Variants in MYO6 observed in about 807,000 individuals in gnomAD.
The protein encoded by MYO6 is myosin VI.
In MYO6, 74 loss-of-function variants were observed where a neutral mutation model predicts 178.7. That is an observed-to-expected ratio of 0.41 (90% CI 0.34 to 0.50). The LOEUF is 0.50. MYO6 is among the 20% of genes least tolerant of loss of function. The pLI is 0.09. For missense variants in MYO6, 1,330 were observed against 1,547.4 expected (o/e 0.86, Z 2.36); for synonymous variants, 477 against 504.6 (o/e 0.95, Z 0.73).
chr6:75,780,646 A>G (rs960013600), intron 1 of MYO6, among the ~76,000 whole-genome samples: 3 of 152,092 alleles, frequency 2.0e-5, no homozygotes, highest in African/African-American at 4.8e-5. Context: ...ACATAGAGCT[A>G]TGTTTAGCCA....
At chr6:75,839,704 A>G (rs1774023455) in intron 7 of MYO6, among the ~76,000 whole-genome samples, 1 of 152,142 alleles carries the variant, frequency 6.6e-6, no homozygotes, top group African/African-American at 2.4e-5. Context: ...TAACAGTGAA[A>G]ATATTATATT....
At chr6:75,902,712 T>TGTC (rs1218398138) in intron 30 of MYO6, among the ~76,000 whole-genome samples, 22 of 151,712 alleles carry the variant, frequency 1.5e-4, no homozygotes, top group African/African-American at 5.3e-4. Flanking sequence ...GGGTTTTTTG[T>TGTC]GTCTCTATTT....
intron 2 of MYO6, among the ~76,000 whole-genome samples, chr6:75,820,535 A>G (rs1186870339): frequency 6.6e-6 from 1 of 151,700 alleles, no homozygotes; most frequent in Non-Finnish European, 1.5e-5. Context: ...ATGTCTGGCT[A>G]ATTTGTTGTA....
At chr6:75,905,022 C>T (rs956723731) in intron 30 of MYO6, among the ~76,000 whole-genome samples, 1 of 152,156 alleles carries the variant, frequency 6.6e-6, no homozygotes, top group Non-Finnish European at 1.5e-5. Context: ...GGGGGTGCCT[C>T]CCAGTTAGGC....
At chr6:75,886,505 A>G (rs1460085145) in intron 24 of MYO6, among the ~76,000 whole-genome samples, 1 of 152,270 alleles carries the variant, frequency 6.6e-6, no homozygotes, top group East Asian at 1.9e-4. Context: ...AAATTAGTGT[A>G]TTTCTTATTT....
At chr6:75,907,802 G>GTGTC (rs1780452532) in intron 31 of MYO6, 94 bp downstream of exon 31, 1 of 836,654 alleles carries the variant, frequency 1.2e-6, no homozygotes, top group African/African-American at 1.7e-5. Context: ...GTATGTGTGT[G>GTGTC]TGTGTGTGTG....
At chr6:75,910,225 CAGTG>C (rs961377130) in intron 32 of MYO6, among the ~76,000 whole-genome samples, 21 of 152,142 alleles carry the variant, frequency 1.4e-4, no homozygotes, top group African/African-American at 4.1e-4. Flanking sequence ...CAAAAAATGA[CAGTG>C]AGCTGTTCTT....
At chr6:75,907,481 CA>C in intron 30 of MYO6, 123 bp from the exon 31 acceptor site, 1 of 748,556 alleles carries the variant, frequency 1.3e-6, no homozygotes, top group South Asian at 1.6e-5. Context: ...GTCAAAGAAA[CA>C]AAAATTATGT....
Position 75,914,054 on chromosome 6 carries a change from G to A in MYO6, c.3440-9G>A, listed in dbSNP as rs890600082. ...CTGCTGGTATAACTTTCCTTGTTCT[G>A]TGTAATAGCTCAGCAAAACCCAGCA... On this transcript the variant is annotated splice_polypyrimidine_tract_variant and intron_variant, in intron 33 of 34. Transcript: ENST00000369977. The A allele has an allele frequency of 6.2e-7, 1 of 1,613,350 alleles. No homozygotes were observed. The highest frequency in any genetic ancestry group is 1.7e-5 in the Admixed American group (1 of 59,988).
rs551348450 is a variant in MYO6, at chr6:75,890,140, GA to G, written c.2751del (p.Lys917AsnfsTer10). 5.8e-6 allele frequency: 9 copies of G among 1,539,580 alleles called. No individual in the cohort carries two copies. The highest frequency in any genetic ancestry group is 2.7e-6 in the Non-Finnish European group (3 of 1,130,162). ...SSEELLSALQ[K>X]KKQQEEEAER... ...CAGAGGAACTCCTCAGTGCATTACA[GA>G]AAAAAAAACAGCAGGAAGAGGAAGC... On this transcript the variant is annotated frameshift_variant, in exon 26 of 35. Coordinates refer to ENST00000369977, the MANE Select transcript of MYO6 (RefSeq NM_004999.4). LOFTEE classifies it high-confidence loss of function.
At chr6:75,830,381 T>A (rs201379600) in intron 4 of MYO6, 35 bp from the exon 5 acceptor site, 1 of 1,579,128 alleles carries the variant, frequency 6.3e-7, no homozygotes, top group Non-Finnish European at 8.7e-7. Context: ...AAAATAGTAA[T>A]TGGAATATTT....
chr6:75,820,520 C>A (rs1771761068), intron 2 of MYO6, among the ~76,000 whole-genome samples: 1 of 152,046 alleles, frequency 6.6e-6, no homozygotes, highest in South Asian at 2.1e-4. Flanking sequence ...CAGGTGCCCA[C>A]CACCATGTCT....
chr6:75,901,537 G>A (rs1260752264), intron 30 of MYO6, among the ~76,000 whole-genome samples: 1 of 152,092 alleles, frequency 6.6e-6, no homozygotes, highest in African/African-American at 2.4e-5. Flanking sequence ...TCTGTTATTG[G>A]TGTATAAGAA....
At chr6:75,780,996 A>G (rs1583051863) in intron 1 of MYO6, among the ~76,000 whole-genome samples, 2 of 152,090 alleles carry the variant, frequency 1.3e-5, no homozygotes, top group East Asian at 1.9e-4. Flanking sequence ...TATTTTTAGT[A>G]GACACAGGGT....
chr6:75,866,228 A>AT (rs1776655055), intron 16 of MYO6, among the ~76,000 whole-genome samples: 1 of 148,428 alleles, frequency 6.7e-6, no homozygotes, highest in Non-Finnish European at 1.5e-5. Context: ...GTTCTTTTAA[A>AT]TTGTGTTTTT....
chr6:75,876,124 T>C (rs1777550956), intron 20 of MYO6, among the ~76,000 whole-genome samples: 1 of 152,150 alleles, frequency 6.6e-6, no homozygotes, highest in Admixed American at 6.6e-5. Context: ...TTTTCCTTTA[T>C]CTTTCACATC....
intron 1 of MYO6, among the ~76,000 whole-genome samples, chr6:75,809,480 C>T (rs747251691): frequency 1.1e-4 from 17 of 152,118 alleles, no homozygotes; most frequent in South Asian, 2.1e-4. Flanking sequence ...GACTATGGCC[C>T]GATGAACAGT....
rs1379950750 is a variant in MYO6 at position 75,857,107 on chromosome 6, A to G, written c.1234A>G (p.Lys412Glu). Residue 412 changes from lysine to glutamate, a missense_variant, in exon 13 of 35, where the codon AAA becomes GAA. Around this residue, in one of 3 missense-constraint regions of MYO6, gnomAD observed 613 missense variants for 816.8 expected, o/e 0.75. Coordinates refer to ENST00000369977, the MANE Select transcript of MYO6 (RefSeq NM_004999.4). ...AGTTTTCTTTTATAGGGTACCTCTG[A>G]AAGTGGAGCAAGCAAACAATGCTCG... Reference protein sequence around the residue: ...TKGTVIKVPLKVEQANNARDA... With the variant: ...TKGTVIKVPLEVEQANNARDA... 6.2e-7 allele frequency: 1 copy of G among 1,613,802 alleles called. No homozygotes were observed. Among genetic ancestry groups the G allele is most frequent in the Admixed American group, 1.7e-5 (1 of 59,998 alleles).
intron 3 of MYO6, among the ~76,000 whole-genome samples, chr6:75,823,495 C>T (rs952963361): frequency 1.1e-4 from 17 of 152,050 alleles, no homozygotes; most frequent in African/African-American, 3.6e-4. Context: ...AGGTACTTGA[C>T]ACTAACAACT....
Sources: gnomAD v4.1 joint callset for allele counts (sites outside exome capture counted in the v4.1 genomes callset) on GRCh38, gnomAD v4.1.1 for gene constraint, gnomAD v4.1.1 regional missense constraint, MANE v1.5 for transcripts, NCBI Gene and HGNC (gene_info 2026-07-23, HGNC 2026-07-21) for gene names.